ZSCAN5A: variants seen among roughly 807,000 people sequenced by gnomAD.
ZSCAN5A encodes zinc finger and SCAN domain containing 5A.
In ZSCAN5A, 12 loss-of-function variants were observed where a neutral mutation model predicts 23.7. The observed-to-expected ratio is 0.51, with a 90% confidence interval of 0.32 to 0.82. The LOEUF is 0.82. Ranked by LOEUF, ZSCAN5A falls within the 40% of genes least tolerant of loss-of-function variation. The pLI, the probability that ZSCAN5A is intolerant of heterozygous loss-of-function variation, is 0.03. For synonymous variants in ZSCAN5A, 257 were observed against 239.9 expected, an observed-to-expected ratio of 1.07 and a Z score of -0.66; for missense variants, 597 against 617.9, an observed-to-expected ratio of 0.97 and a Z score of 0.36.
intron 2 of ZSCAN5A, among the ~76,000 whole-genome samples, chr19:56,248,320 G>T (rs1469198614): frequency 6.6e-6 from 1 of 152,052 alleles, no homozygotes; most frequent in Non-Finnish European, 1.5e-5. Flanking sequence ...CAGTGCAGTG[G>T]TGTAATCACA....
chr19:56,269,171 G>C (rs1201618097), intron 2 of ZSCAN5A, among the ~76,000 whole-genome samples: 1 of 152,096 alleles, frequency 6.6e-6, no homozygotes, highest in Non-Finnish European at 1.5e-5. Context: ...TTATACGGTA[G>C]CCCTATATTT....
chr19:56,257,668 C>T (rs1267011104), intron 2 of ZSCAN5A, among the ~76,000 whole-genome samples: 2 of 146,646 alleles, frequency 1.4e-5, no homozygotes, highest in Non-Finnish European at 3.0e-5. Flanking sequence ...CTCCTGCCTC[C>T]CACCACTGCC....
chr19:56,222,624 T>A lies in ZSCAN5A; in HGVS notation c.706A>T (p.Thr236Ser), dbSNP rs770303549. Residue 236 changes from threonine to serine, a missense_variant, in exon 5 of 6, where the codon ACA becomes TCA. Physicochemically the swap from Thr to Ser is moderately conservative, Grantham distance 58. Transcript: ENST00000683990. Reference protein sequence around the residue: ...KENREENPGLTSPEPQLPKSP... With the variant: ...KENREENPGLSSPEPQLPKSP... ...TTTGGAAGCTGAGGCTCTGGGGATG[T>A]CAGTCCTGGGTTCTCTTCCCTGTTT... 9.3e-6 allele frequency: 15 copies of A among 1,614,048 alleles called. No individual in the cohort carries two copies. The highest frequency in any genetic ancestry group is 4.0e-5 in the African/African-American group (3 of 74,916).
chr19:56,353,361 G>A (rs964698773), intron 2 of ZSCAN5A, among the ~76,000 whole-genome samples: 1 of 152,160 alleles, frequency 6.6e-6, no homozygotes, highest in African/African-American at 2.4e-5. Flanking sequence ...TCTATTCTGT[G>A]CATTAAGACT....
intron 2 of ZSCAN5A, among the ~76,000 whole-genome samples, chr19:56,255,850 T>G (rs1397093054): frequency 6.6e-6 from 1 of 152,134 alleles, no homozygotes; most frequent in Admixed American, 6.5e-5. Context: ...GCAGAAAACA[T>G]GATTTGTTAA....
intron 2 of ZSCAN5A, chr19:56,247,515 T>C (rs780736523): frequency 1.6e-4 from 25 of 160,808 alleles, no homozygotes; most frequent in Non-Finnish European, 2.6e-4. Flanking sequence ...CTGACGCTAT[T>C]AGATGAGATA....
In ZSCAN5A at chr19:56,272,962, T is replaced by C. The variant is rs911164653; in HGVS notation, c.-128+40321A>G. 3.5e-5 allele frequency: 32 copies of C among 908,714 alleles called. No individual in the cohort carries two copies. The South Asian group carries it at 1.3e-3, about 37-fold the overall frequency. 56.3% of individuals were successfully genotyped at this position (908,714 alleles called of 1,614,324 possible). ...GCCTTGTGTCCTCTATGTATTTTCTTACAACTTGGGAGGCTCTTGTGGGCT... is the reference window on the plus strand; with the variant it reads ...GCCTTGTGTCCTCTATGTATTTTCTCACAACTTGGGAGGCTCTTGTGGGCT... On this transcript the variant is annotated intron_variant, in intron 2 of 5. Transcript: ENST00000683990.
intron 2 of ZSCAN5A, chr19:56,342,626 G>GA (rs1455119578): frequency 2.1e-5 from 10 of 468,488 alleles, no homozygotes; most frequent in Non-Finnish European, 3.3e-5. Flanking sequence ...CTTGATTAGG[G>GA]AAAAAAATTT....
intron 2 of ZSCAN5A, among the ~76,000 whole-genome samples, chr19:56,301,080 C>G (rs182309797): frequency 2.8e-4 from 43 of 151,992 alleles, no homozygotes; most frequent in Admixed American, 1.2e-3. Context: ...AAAGGGGTCC[C>G]GATCAAGACC....
At chr19:56,355,138 C>G (rs2041693766) in intron 2 of ZSCAN5A, among the ~76,000 whole-genome samples, 1 of 124,628 alleles carries the variant, frequency 8.0e-6, no homozygotes, top group African/African-American at 3.3e-5. Flanking sequence ...GCATTTTGTT[C>G]CCAATTGACA....
intron 2 of ZSCAN5A, among the ~76,000 whole-genome samples, chr19:56,327,038 A>C (rs149174524): frequency 2.0e-5 from 3 of 151,110 alleles, no homozygotes; most frequent in African/African-American, 7.4e-5. Context: ...TGACACTTAC[A>C]TGAATATAGA....
intron 2 of ZSCAN5A, among the ~76,000 whole-genome samples, chr19:56,251,724 G>A (rs993927453): frequency 6.6e-6 from 1 of 152,128 alleles, no homozygotes; most frequent in Non-Finnish European, 1.5e-5. Flanking sequence ...GCTCAGCCTG[G>A]CTAATTTTTA....
At chr19:56,360,828 A>T (rs1263126458) in intron 2 of ZSCAN5A, among the ~76,000 whole-genome samples, 1 of 152,220 alleles carries the variant, frequency 6.6e-6, no homozygotes, top group South Asian at 2.1e-4. Context: ...CAGAAGCAAA[A>T]ATTGACAACT....
At chr19:56,320,984 C>T (rs1600280047) in intron 2 of ZSCAN5A, 1 of 720,072 alleles carries the variant, frequency 1.4e-6, no homozygotes, top group East Asian at 2.6e-5. Flanking sequence ...GGTATCTTCG[C>T]CACAGACCGG....
intron 2 of ZSCAN5A, among the ~76,000 whole-genome samples, chr19:56,226,116 A>G (rs567447300): frequency 6.6e-6 from 1 of 152,212 alleles, no homozygotes; most frequent in South Asian, 2.1e-4. Flanking sequence ...GCTTTCCTAG[A>G]CACAGGTGGG....
rs2033586276 is a variant in ZSCAN5A, at chr19:56,223,768, G to C, written c.451C>G (p.Pro151Ala). The stretch of plus-strand genomic sequence containing the variant: ...TTCAGATCATCTCTGACACTGGAGG[G>C]GGCTTCAGCCATCTCGATATCTGAG... ...QDSDIEMAEA[P>A]SSVRDDLKDV... is the part of the protein sequence containing the mutation. Residue 151 changes from proline to alanine, a missense_variant, in exon 4 of 6, where the codon CCC becomes GCC. Physicochemically the swap from Pro to Ala is conservative, Grantham distance 27. This residue lies in a region of ZSCAN5A where 406 missense variants were observed against 353.2 expected (regional missense o/e 1.15). Coordinates refer to ENST00000683990, the MANE Select transcript of ZSCAN5A (RefSeq NM_001322064.3). The C allele has an allele frequency of 6.2e-7, 1 of 1,613,938 alleles. No individual in the cohort carries two copies. Among genetic ancestry groups the C allele is most frequent in the Non-Finnish European group, 8.5e-7 (1 of 1,180,020 alleles).
intron 2 of ZSCAN5A, among the ~76,000 whole-genome samples, chr19:56,305,618 T>C (rs1481003288): frequency 3.9e-5 from 6 of 152,188 alleles, no homozygotes; most frequent in African/African-American, 1.4e-4. Flanking sequence ...ATATGATAAT[T>C]CTGTGTTTAT....
In ZSCAN5A at chr19:56,222,220, C is replaced by T. The variant is rs758759166; in HGVS notation, c.846G>A (p.Ser282=). 30 of 1,613,810 alleles carry T rather than the reference C, an allele frequency of 1.9e-5. No individual in the cohort carries two copies. The highest frequency in any genetic ancestry group is 4.4e-5 in the South Asian group (4 of 91,078). ...PSACVVEREA[S]THSGNRGDAL... is the part of the protein sequence containing the mutation. ...CGTCTCCTCTGTTCCCGCTGTGAGTCGAAGCTTCTCTCTCCACAACGCAGG... is the reference window on the plus strand; with the variant it reads ...CGTCTCCTCTGTTCCCGCTGTGAGTTGAAGCTTCTCTCTCCACAACGCAGG... Residue 282 remains serine, a synonymous_variant, in exon 6 of 6, where the codon TCG becomes TCA. Coordinates refer to ENST00000683990, the MANE Select transcript of ZSCAN5A (RefSeq NM_001322064.3).
chr19:56,322,020 C>T (rs2041381279), intron 2 of ZSCAN5A: 3 of 777,766 alleles, frequency 3.9e-6, no homozygotes, highest in Non-Finnish European at 7.2e-6. Flanking sequence ...TCTCTTTCTA[C>T]AAGGCTGTTT....
Sources: allele counts gnomAD v4.1 joint callset (sites outside exome capture counted in the v4.1 genomes callset), GRCh38; gene constraint gnomAD v4.1.1; regional missense constraint gnomAD v4.1.1; transcripts MANE v1.5; gene names NCBI Gene and HGNC (gene_info 2026-07-23, HGNC 2026-07-21).